GAS2: variants seen among roughly 807,000 people sequenced by gnomAD.
GAS2 encodes the protein growth arrest-specific protein 2.
Under a neutral mutation model 37.5 loss-of-function variants are expected in GAS2, and 20 were observed. The observed-to-expected ratio is 0.53, with a 90% CI of 0.37 to 0.77. GAS2 has a LOEUF of 0.77. Ranked by LOEUF, GAS2 falls within the 30% of genes least tolerant of loss-of-function variation. The probability of loss-of-function intolerance (pLI) is 0.00; values close to 1 mark genes in which losing one functional copy is unlikely to be tolerated. For missense variants in GAS2, 336 were observed against 373.4 expected (o/e 0.90, Z 0.82); for synonymous variants, 144 against 132.2 (o/e 1.09, Z -0.61).
upstream of GAS2, among the ~76,000 whole-genome samples, chr11:22,662,859 A>G (rs565608511): frequency 2.6e-5 from 4 of 152,206 alleles, no homozygotes; most frequent in African/African-American, 9.6e-5. Context: ...TCCCTGGGCA[A>G]CATAGTGGGA....
At chr11:22,778,500 A>T (rs755848971) in intron 7 of GAS2, among the ~76,000 whole-genome samples, 1 of 152,364 alleles carries the variant, frequency 6.6e-6, no homozygotes. Flanking sequence ...GTAAAGCTTG[A>T]AGAGATGGCC....
intron 1 of GAS2, among the ~76,000 whole-genome samples, chr11:22,651,109 GC>G (rs1848769949): frequency 6.6e-6 from 1 of 151,964 alleles, no homozygotes; most frequent in African/African-American, 2.4e-5. Context: ...TTTAGGGCAG[GC>G]CTGCTGGTGA....
chr11:22,685,614 G>A, intron 2 of GAS2, 54 bp from the exon 3 acceptor site: 16 of 1,568,266 alleles, frequency 1.0e-5, no homozygotes, highest in African/African-American at 1.4e-5. Flanking sequence ...ATTTTATTTA[G>A]TGTGAATCTG....
intron 4 of GAS2, among the ~76,000 whole-genome samples, chr11:22,737,044 T>C (rs750804577): frequency 1.7e-4 from 26 of 152,278 alleles, no homozygotes; most frequent in Admixed American, 3.3e-4. Flanking sequence ...AAGTATAGCC[T>C]TCTAATTTGC....
intron 3 of GAS2, among the ~76,000 whole-genome samples, chr11:22,708,588 T>A (rs1851243132): frequency 6.6e-6 from 1 of 152,192 alleles, no homozygotes; most frequent in Non-Finnish European, 1.5e-5. Context: ...AATGTACTTA[T>A]GACCACTCCA....
intron 7 of GAS2, among the ~76,000 whole-genome samples, chr11:22,775,294 G>A (rs1442541183): frequency 1.3e-5 from 2 of 152,172 alleles, no homozygotes; most frequent in African/African-American, 4.8e-5. Flanking sequence ...CTTGGAGAGT[G>A]TGGAGGTCAA....
chr11:22,709,123 A>T (rs1041766786), intron 3 of GAS2, among the ~76,000 whole-genome samples: 4 of 152,158 alleles, frequency 2.6e-5, no homozygotes, highest in African/African-American at 4.8e-5. Context: ...ATTTTTAAGC[A>T]GAGAAAAACT....
At chr11:22,657,331 T>G (rs1848867441) in intron 1 of GAS2, among the ~76,000 whole-genome samples, 1 of 151,954 alleles carries the variant, frequency 6.6e-6, no homozygotes, top group Non-Finnish European at 1.5e-5. Flanking sequence ...GCAAACAAGG[T>G]GGGGTTAGCT....
intron 7 of GAS2, among the ~76,000 whole-genome samples, chr11:22,756,787 T>C (rs1451776830): frequency 1.3e-5 from 2 of 152,160 alleles, no homozygotes; most frequent in African/African-American, 4.8e-5. Flanking sequence ...TATTCTGCTT[T>C]GGAATAGCAG....
chr11:22,811,712 A>C, intron 7 of GAS2, 86 bp from the exon 8 acceptor site: 4 of 1,293,008 alleles, frequency 3.1e-6, no homozygotes, highest in Non-Finnish European at 4.4e-6. Context: ...ACAAACCAAA[A>C]CACTAATTTC....
chr11:22,627,785 A>G (rs1858684551), intron 1 of GAS2, among the ~76,000 whole-genome samples: 1 of 152,066 alleles, frequency 6.6e-6, no homozygotes, highest in Admixed American at 6.5e-5. Context: ...AAAAAAAAAA[A>G]AAAAGGAAAA....
At chr11:22,751,796 A>G (rs934876070) in intron 6 of GAS2, among the ~76,000 whole-genome samples, 1 of 152,022 alleles carries the variant, frequency 6.6e-6, no homozygotes, top group Non-Finnish European at 1.5e-5. Flanking sequence ...AAAGGACTTC[A>G]GAGTTTACCA....
chr11:22,675,973 C>T (rs1015922141), intron 2 of GAS2, among the ~76,000 whole-genome samples: 1 of 152,136 alleles, frequency 6.6e-6, no homozygotes, highest in Admixed American at 6.5e-5. Flanking sequence ...TGCTTGCTCT[C>T]CATGGCTCTG....
intron 1 of GAS2, among the ~76,000 whole-genome samples, chr11:22,652,521 T>G (rs921449311): frequency 6.6e-6 from 1 of 152,230 alleles, no homozygotes; most frequent in Non-Finnish European, 1.5e-5. Context: ...TTCCCCAGCC[T>G]GGCTGCCGCC....
intron 7 of GAS2, among the ~76,000 whole-genome samples, chr11:22,760,495 G>C (rs1273384614): frequency 6.6e-6 from 1 of 152,100 alleles, no homozygotes; most frequent in Non-Finnish European, 1.5e-5. Context: ...TATAGGAAGG[G>C]ATTCAGTGTA....
chr11:22,663,866 T>A (rs1848944903), upstream of GAS2, among the ~76,000 whole-genome samples: 2 of 152,174 alleles, frequency 1.3e-5, no homozygotes. Flanking sequence ...AAACTATAAT[T>A]CAAAATATGT....
At chr11:22,732,927 C>T (rs1040321962) in intron 4 of GAS2, among the ~76,000 whole-genome samples, 1 of 151,582 alleles carries the variant, frequency 6.6e-6, no homozygotes, top group African/African-American at 2.4e-5. Flanking sequence ...ATTATTATAA[C>T]ATTGATTAAT....
At chr11:22,637,031 TG>T (rs1385010023) in intron 1 of GAS2, among the ~76,000 whole-genome samples, 2 of 136,428 alleles carry the variant, frequency 1.5e-5, no homozygotes, top group Non-Finnish European at 3.1e-5. Flanking sequence ...TTATATATTC[TG>T]GTTATCTATT....
chr11:22,781,368 C>T (rs1316696642), intron 7 of GAS2, among the ~76,000 whole-genome samples: 1 of 152,264 alleles, frequency 6.6e-6, no homozygotes, highest in Admixed American at 6.5e-5. Context: ...CACAGAATAT[C>T]TATTTCCTGA....
Sources: allele counts gnomAD v4.1 joint callset (sites outside exome capture counted in the v4.1 genomes callset), GRCh38; gene constraint gnomAD v4.1.1; transcripts MANE v1.5; gene names NCBI Gene and HGNC (gene_info 2026-07-23, HGNC 2026-07-21).